Variants in EVI5L observed in about 807,000 individuals in gnomAD.
EVI5L encodes the protein ecotropic viral integration site 5 like.
Under a neutral mutation model 106.1 loss-of-function variants are expected in EVI5L, and 30 were observed. That is an observed-to-expected ratio of 0.28 (90% CI 0.21 to 0.38). The LOEUF is 0.38. EVI5L is among the 10% of genes least tolerant of loss of function. The pLI is 1.00. For missense variants in EVI5L, 809 were observed against 1,098.0 expected (o/e 0.74, Z 3.72); for synonymous variants, 489 against 483.3 (o/e 1.01, Z -0.15).
chr19:7,842,579 G>A (rs959151788), intron 1 of EVI5L, among the ~76,000 whole-genome samples: 2 of 148,416 alleles, frequency 1.3e-5, no homozygotes, highest in Non-Finnish European at 1.5e-5. Context: ...GTGTGTGCAT[G>A]TATCAAGCAT....
intron 2 of EVI5L, 144 bp downstream of exon 2, chr19:7,846,823 ACCT>A: frequency 1.7e-6 from 2 of 1,147,394 alleles, no homozygotes; most frequent in South Asian, 1.6e-5. Context: ...AGGGACAGAC[ACCT>A]CCTTTCATCC....
chr19:7,856,103 C>T lies in EVI5L; in HGVS notation c.1200+35C>T. The T allele has an allele frequency of 1.5e-6, 2 of 1,316,930 alleles. No homozygotes were observed. Among genetic ancestry groups the T allele is most frequent in the South Asian group, 3.0e-5 (1 of 33,646 alleles). The allele number at this position is 1,316,930 out of a possible 1,614,324, so 81.6% of individuals were successfully genotyped here. On this transcript the variant is annotated intron_variant, in intron 11 of 19. Transcript: ENST00000538904. This position sits in a 1 kb window ranked among gnomAD's most constrained non-coding sequence, Gnocchi z 6.6. ...GTGGCCACTGTGAGGACATGGTCGC[C>T]ATGGGGTGTGACCCACCATGCGGGG...
rs1245886459 is a variant in EVI5L at position 7,830,340 on chromosome 19, G to T, written c.-89G>T. The T allele has an allele frequency of 6.6e-6, 1 of 151,198 alleles. No homozygotes were observed. The allele number at this position is 151,198 out of a possible 1,614,324, so 9.4% of individuals were successfully genotyped here. A position where few individuals can be genotyped will look rare whatever the true frequency, so the allele number is the denominator to read the frequency against. The stretch of plus-strand genomic sequence containing the variant: ...CTAGGATCCGGCGGCTCAGCCCGGG[G>T]CGGCGAGGCTCGGCACGGAGATGGC... On this transcript the variant is annotated 5_prime_UTR_variant, in exon 1 of 20. Coordinates refer to ENST00000538904, the MANE Select transcript of EVI5L (RefSeq NM_001159944.3).
chr19:7,858,086 C>A lies in EVI5L; in HGVS notation c.1234-105C>A. 7.2e-7 allele frequency: 1 copy of A among 1,382,856 alleles called. No individual in the cohort carries two copies. The highest frequency in any genetic ancestry group is 9.8e-7 in the Non-Finnish European group (1 of 1,024,126). The allele number at this position is 1,382,856 out of a possible 1,614,324, so 85.7% of individuals were successfully genotyped here. A position where few individuals can be genotyped will look rare whatever the true frequency, so the allele number is the denominator to read the frequency against. On this transcript the variant is annotated intron_variant, in intron 12 of 19. Coordinates refer to ENST00000538904, the MANE Select transcript of EVI5L (RefSeq NM_001159944.3). This position sits in a 1 kb window ranked among gnomAD's most constrained non-coding sequence, Gnocchi z 5.7. ...GTACGGGAGGCCCCCACCTCACTTC[C>A]CCCCACCTCCACTCTCTGGGCCTCC... is the stretch of plus-strand genomic sequence containing the variant.
At chr19:7,838,249 C>T (rs1978440479) in intron 1 of EVI5L, among the ~76,000 whole-genome samples, 1 of 152,140 alleles carries the variant, frequency 6.6e-6, no homozygotes, top group South Asian at 2.1e-4. Flanking sequence ...GCTCAGATTA[C>T]AGGCATGTGC....
In EVI5L at chr19:7,863,194, G is replaced by A; in HGVS notation, c.2053G>A (p.Gly685Ser). 6.4e-7 allele frequency: 1 copy of A among 1,557,222 alleles called. No homozygotes were observed. Among genetic ancestry groups the A allele is most frequent in the Non-Finnish European group, 8.7e-7 (1 of 1,150,776 alleles). The change falls in exon 19 of 20, where the codon GGC (glycine) becomes AGC (serine). Residue 685 changes from glycine (G) to serine (S), a missense_variant. By Grantham distance (56) the Gly-to-Ser change is moderately conservative. Coordinates refer to ENST00000538904, the MANE Select transcript of EVI5L (RefSeq NM_001159944.3). This position sits in a 1 kb window ranked among gnomAD's most constrained non-coding sequence, Gnocchi z 7.7. Reference protein sequence around the residue: ...IAELEIQREEGRIQGQLNHSD... With the variant: ...IAELEIQREESRIQGQLNHSD... ...CTGGCGCACCCCGCAGAGGGAGGAA[G>A]GCCGCATCCAGGGCCAGCTGAACCA...
At chr19:7,842,058 AGAGT>A (rs1978626201) in intron 1 of EVI5L, among the ~76,000 whole-genome samples, 1 of 151,960 alleles carries the variant, frequency 6.6e-6, no homozygotes, top group Non-Finnish European at 1.5e-5. Flanking sequence ...TGCGGGTGCA[AGAGT>A]GTGTGTCAAT....
intron 1 of EVI5L, among the ~76,000 whole-genome samples, chr19:7,843,819 C>T (rs1173731266): frequency 1.3e-5 from 2 of 151,882 alleles, no homozygotes; most frequent in Non-Finnish European, 2.9e-5. Flanking sequence ...TGTGAGAGTG[C>T]ATGTGTGTTG....
Position 7,863,580 on chromosome 19 carries a change from C to T in EVI5L, c.2296C>T (p.Leu766=), listed in dbSNP as rs1216500322. The T allele has an allele frequency of 6.3e-7, 1 of 1,593,498 alleles. No individual in the cohort carries two copies. Among genetic ancestry groups the T allele is most frequent in the Non-Finnish European group, 8.5e-7 (1 of 1,170,976 alleles). Residue 766 remains leucine (L), a synonymous_variant, in exon 20 of 20, where the codon CTG becomes TTG. Coordinates refer to ENST00000538904, the MANE Select transcript of EVI5L (RefSeq NM_001159944.3). The surrounding 1 kb of genome is among the most constrained non-coding windows in gnomAD (Gnocchi z 7.7). ...TGCCCTGCAGGACGCATTGTACCCT[C>T]TGTCCCCGCGCGATGCGCGCTTCTT... ...GAALQDALYP[L]SPRDARFFRR...
chr19:7,851,855 GC>G, intron 8 of EVI5L, 85 bp downstream of exon 8: 10 of 1,274,640 alleles, frequency 7.8e-6, no homozygotes, highest in Non-Finnish European at 1.0e-5. Context: ...GACAGAGAGG[GC>G]CCGGCTTCGA....
In EVI5L at chr19:7,863,798, T is replaced by C. The variant is rs1979983786; in HGVS notation, c.*96T>C. The C allele has an allele frequency of 7.2e-7, 1 of 1,397,376 alleles. No individual in the cohort carries two copies. Among genetic ancestry groups the C allele is most frequent in the Non-Finnish European group, 9.3e-7 (1 of 1,076,004 alleles). 86.6% of individuals were successfully genotyped at this position (1,397,376 alleles called of 1,614,324 possible). On this transcript the variant is annotated 3_prime_UTR_variant, in exon 20 of 20. Coordinates refer to ENST00000538904, the MANE Select transcript of EVI5L (RefSeq NM_001159944.3). This position sits in a 1 kb window ranked among gnomAD's most constrained non-coding sequence, Gnocchi z 7.7. ...TCCCCACCTGCCGCACTTGACAAAC[T>C]ACGCGCCCTCTGTGGCTCGGCCACC...
At chr19:7,832,574 C>T (rs1293419186) in intron 1 of EVI5L, among the ~76,000 whole-genome samples, 10 of 151,712 alleles carry the variant, frequency 6.6e-5, no homozygotes. Flanking sequence ...CCCCCAGTGC[C>T]GTGTGGAAGG....
intron 2 of EVI5L, 32 bp downstream of exon 2, chr19:7,846,711 C>A (rs770329741): frequency 4.4e-6 from 7 of 1,604,566 alleles, no homozygotes; most frequent in South Asian, 1.1e-5. Flanking sequence ...GGGGTGAAAT[C>A]TTGGGGTGCA....
Position 7,862,959 on chromosome 19 carries a change from C to G in EVI5L, c.1948-13C>G. 8.4e-7 allele frequency: 1 copy of G among 1,195,108 alleles called. No homozygotes were observed. The highest frequency in any genetic ancestry group is 1.2e-6 in the Non-Finnish European group (1 of 836,804). 74.0% of individuals were successfully genotyped at this position (1,195,108 alleles called of 1,614,324 possible). A position where few individuals can be genotyped will look rare whatever the true frequency, so the allele number is the denominator to read the frequency against. ...TGACCCGCCCTCCTTTCCCCCCAAT[C>G]CCCCGACCCCAGAGCAAGGAGGAGG... On this transcript the variant is annotated splice_polypyrimidine_tract_variant and intron_variant, in intron 17 of 19. Transcript: ENST00000538904.
chr19:7,862,737 A>ACCC (rs1410815818), intron 17 of EVI5L, among the ~76,000 whole-genome samples: 142 of 23,276 alleles, frequency 6.1e-3, no homozygotes, highest in Admixed American at 8.3e-3. Flanking sequence ...CCGCCTCCTG[A>ACCC]CCACCCCCCC....
In EVI5L at chr19:7,845,335, G is replaced by A. The variant is rs1032844817; in HGVS notation, c.-47-1161G>A. Among the ~76,000 whole-genome samples the A allele has an allele frequency of 3.9e-5, 6 of 152,060 alleles. No homozygotes were observed. Among genetic ancestry groups the A allele is most frequent in the African/African-American group, 4.8e-5 (2 of 41,400 alleles). On this transcript the variant is annotated intron_variant, in intron 1 of 19. Transcript: ENST00000538904. This position sits in a 1 kb window ranked among gnomAD's most constrained non-coding sequence, Gnocchi z 4.0. Reference sequence around the variant, plus strand: ...GCATGAAGGAACACCATCCCCAGCCGCTGCCTCCACTCCCATAGCCGTCCC... The same window carrying A: ...GCATGAAGGAACACCATCCCCAGCCACTGCCTCCACTCCCATAGCCGTCCC...
intron 10 of EVI5L, 97 bp from the exon 11 acceptor site, chr19:7,855,918 G>C: frequency 8.8e-7 from 1 of 1,141,136 alleles, no homozygotes; most frequent in Non-Finnish European, 1.1e-6. Context: ...AAGTGGCCTG[G>C]CCCTAAGGGG....
At chr19:7,862,651 C>T (rs1260393689) in intron 17 of EVI5L, 117 bp downstream of exon 17, 46 of 950,598 alleles carry the variant, frequency 4.8e-5, no homozygotes, top group Non-Finnish European at 6.2e-5. Flanking sequence ...TGCCCCTGCC[C>T]GCGGTCCTCC....
At position 7,858,020 on chromosome 19, in the gene EVI5L, C is replaced by A; in HGVS notation, c.1234-171C>A. The A allele has an allele frequency of 1.4e-6, 1 of 712,050 alleles. No homozygotes were observed. The highest frequency in any genetic ancestry group is 2.3e-6 in the Non-Finnish European group (1 of 439,620). 44.1% of individuals were successfully genotyped at this position (712,050 alleles called of 1,614,324 possible). Reference sequence around the variant, plus strand: ...GTCCTATTCCTGCCTGTCACCCACCCACGTCCCCAGGCCCAGTGGGACGCT... The same window carrying A: ...GTCCTATTCCTGCCTGTCACCCACCAACGTCCCCAGGCCCAGTGGGACGCT... On this transcript the variant is annotated intron_variant, in intron 12 of 19. Transcript: ENST00000538904. The surrounding 1 kb of genome is among the most constrained non-coding windows in gnomAD (Gnocchi z 5.7).
Sources: gnomAD v4.1 joint callset for allele counts (sites outside exome capture counted in the v4.1 genomes callset) on GRCh38, gnomAD v4.1.1 for gene constraint, Gnocchi (gnomAD v3.1) non-coding constraint, MANE v1.5 for transcripts, NCBI Gene and HGNC (gene_info 2026-07-23, HGNC 2026-07-21) for gene names.